Variants in PPFIA1 observed in about 807,000 individuals in gnomAD.
PPFIA1 encodes the protein PPFI scaffold protein A1, also known as liprin-alpha-1.
In PPFIA1, 25 loss-of-function variants were observed where a neutral mutation model predicts 149.9. The observed-to-expected ratio is 0.17, with a 90% CI of 0.12 to 0.23. The LOEUF is 0.23. Ranked by LOEUF, PPFIA1 falls within the 10% of genes least tolerant of loss-of-function variation. PPFIA1 has a pLI of 1.00. For synonymous variants in PPFIA1, 549 were observed against 552.8 expected, an observed-to-expected ratio of 0.99 and a Z score of 0.10; for missense variants, 1,362 against 1,506.5, an observed-to-expected ratio of 0.90 and a Z score of 1.59.
intron 24 of PPFIA1, 107 bp from the exon 25 acceptor site, chr11:70,376,425 C>A: frequency 2.7e-6 from 3 of 1,106,880 alleles, no homozygotes; most frequent in Non-Finnish European, 4.1e-6. Flanking sequence ...CCAGACCCAG[C>A]CAGCAGTGAG....
At chr11:70,296,171 A>G (rs1042497349) in intron 2 of PPFIA1, among the ~76,000 whole-genome samples, 3 of 149,990 alleles carry the variant, frequency 2.0e-5, no homozygotes, top group Admixed American at 1.3e-4. Flanking sequence ...GATGGCGGCC[A>G]GGCAGAGACG....
intron 21 of PPFIA1, chr11:70,367,604 G>C (rs1201503674): frequency 2.2e-6 from 1 of 455,192 alleles, no homozygotes; most frequent in African/African-American, 2.0e-5. Flanking sequence ...TTTCCAGAAG[G>C]CTGCTAAGGC....
intron 9 of PPFIA1, 119 bp downstream of exon 9, chr11:70,332,213 T>A: frequency 7.7e-7 from 1 of 1,301,350 alleles, no homozygotes; most frequent in South Asian, 1.8e-5. Context: ...AGAGCACGGA[T>A]TTGGTTTGAG....
rs1280030441 is a variant in PPFIA1, at chr11:70,272,219, C to T, written c.47C>T (p.Pro16Leu). 1 of 1,614,076 alleles carries T rather than the reference C, an allele frequency of 6.2e-7. No homozygotes were observed. The highest frequency in any genetic ancestry group is 1.1e-5 in the South Asian group (1 of 91,082). The change falls in exon 2 of 28, where the codon CCT becomes CTT. Residue 16 changes from proline (P) to leucine (L), a missense_variant. Physicochemically the swap from Pro to Leu is moderately conservative, Grantham distance 98. Transcript: ENST00000253925. ...ACCATCAGCGAAGCAGAAGGCCCCCCTGGAGGAGGTGGAGGCCATGGTTCC... is the reference window on the plus strand; with the variant it reads ...ACCATCAGCGAAGCAGAAGGCCCCCTTGGAGGAGGTGGAGGCCATGGTTCC... ...MPTISEAEGP[P>L]GGGGGHGSGS...
At chr11:70,283,868 A>G (rs2050927170) in intron 2 of PPFIA1, 2 of 464,010 alleles carry the variant, frequency 4.3e-6, no homozygotes, top group African/African-American at 4.0e-5. Flanking sequence ...GATGCTCCTA[A>G]ACATTCTGCA....
chr11:70,324,335 G>T lies in PPFIA1; in HGVS notation c.265-67G>T, dbSNP rs1407471679. 14 of 1,216,778 alleles carry T rather than the reference G, an allele frequency of 1.2e-5. 1 individual carries two copies. The highest frequency in any genetic ancestry group is 9.5e-5 in the East Asian group (4 of 42,028). 75.4% of individuals were successfully genotyped at this position (1,216,778 alleles called of 1,614,324 possible). A position where few individuals can be genotyped will look rare whatever the true frequency, so the allele number is the denominator to read the frequency against. On this transcript the variant is annotated intron_variant, in intron 2 of 27. Coordinates refer to ENST00000253925, the MANE Select transcript of PPFIA1 (RefSeq NM_003626.5). ...GTTGCCTTTGTGTGAAGACTGTGGA[G>T]CCTTGATGAAAGGCTTTCTTTAGGG...
At chr11:70,274,787 C>T (rs1471175058) in intron 2 of PPFIA1, among the ~76,000 whole-genome samples, 3 of 151,772 alleles carry the variant, frequency 2.0e-5, no homozygotes, top group East Asian at 1.9e-4. Flanking sequence ...GGCATGATCT[C>T]GGCTCACTGT....
At chr11:70,286,238 T>A (rs925053706) in intron 2 of PPFIA1, among the ~76,000 whole-genome samples, 1 of 152,140 alleles carries the variant, frequency 6.6e-6, no homozygotes, top group Non-Finnish European at 1.5e-5. Flanking sequence ...GTTTTCTACG[T>A]AGTCAGGTGG....
At chr11:70,378,462 C>T in intron 26 of PPFIA1, 1 of 1,166,858 alleles carries the variant, frequency 8.6e-7, no homozygotes, top group African/African-American at 1.6e-5. Context: ...CGTCTGTGTT[C>T]TCAGAGAGAG....
In PPFIA1 at chr11:70,325,584, A is replaced by G; in HGVS notation, c.606+10A>G. The G allele has an allele frequency of 1.3e-6, 2 of 1,533,834 alleles. No homozygotes were observed. Among genetic ancestry groups the G allele is most frequent in the East Asian group, 4.5e-5 (2 of 44,372 alleles). ...TGCCACACACAAAGAGGTAAGCTTGAGACTTCATCATGAGTTGAATTGGGG... is the reference window on the plus strand; with the variant it reads ...TGCCACACACAAAGAGGTAAGCTTGGGACTTCATCATGAGTTGAATTGGGG... On this transcript the variant is annotated intron_variant, in intron 5 of 27. Coordinates refer to ENST00000253925, the MANE Select transcript of PPFIA1 (RefSeq NM_003626.5).
intron 2 of PPFIA1, among the ~76,000 whole-genome samples, chr11:70,295,747 A>G (rs1315339093): frequency 3.0e-5 from 3 of 99,592 alleles, no homozygotes; most frequent in Non-Finnish European, 6.4e-5. Context: ...TGACCCCCCC[A>G]CCTCCCTCCC....
intron 2 of PPFIA1, among the ~76,000 whole-genome samples, chr11:70,305,237 A>G (rs904676150): frequency 1.3e-5 from 2 of 152,194 alleles, no homozygotes; most frequent in Non-Finnish European, 2.9e-5. Flanking sequence ...GGGAGAAAAC[A>G]TAGGTTCAGA....
At chr11:70,288,366 G>A (rs150810623) in intron 2 of PPFIA1, among the ~76,000 whole-genome samples, 23 of 152,188 alleles carry the variant, frequency 1.5e-4, no homozygotes, top group African/African-American at 5.1e-4. Context: ...CACCGCGCCC[G>A]GCCTCCCCTC....
At chr11:70,336,092 T>C (rs1049727665) in intron 11 of PPFIA1, among the ~76,000 whole-genome samples, 1 of 152,192 alleles carries the variant, frequency 6.6e-6, no homozygotes, top group African/African-American at 2.4e-5. Flanking sequence ...TCCAATAAAA[T>C]TCATTTGTAG....
At chr11:70,296,746 AGAGG>A (rs140547454) in intron 2 of PPFIA1, among the ~76,000 whole-genome samples, 19,305 of 76,608 alleles carry the variant, frequency 0.25, 2,981 homozygotes, top group African/African-American at 0.49. Flanking sequence ...GGAGAGGGAG[AGAGG>A]GAGGGAGGGA....
chr11:70,374,849 A>G lies in PPFIA1; in HGVS notation c.3140-69A>G, dbSNP rs1190984613. On this transcript the variant is annotated intron_variant, in intron 23 of 27. Coordinates refer to ENST00000253925, the MANE Select transcript of PPFIA1 (RefSeq NM_003626.5). ...ACCATGGTAGGAATCTTTCTCCTGC[A>G]TTACAGGGTACATGTGATAAAGATG... 27 of 1,402,226 alleles carry G rather than the reference A, an allele frequency of 1.9e-5. No individual in the cohort carries two copies. The South Asian group carries it at 2.0e-4, about 10-fold the overall frequency. 86.9% of individuals were successfully genotyped at this position (1,402,226 alleles called of 1,614,324 possible).
At chr11:70,345,401 TGAAGGAG>T (rs967851820) in intron 15 of PPFIA1, among the ~76,000 whole-genome samples, 1 of 150,964 alleles carries the variant, frequency 6.6e-6, no homozygotes, top group African/African-American at 2.4e-5. Context: ...AGCAGGGGCG[TGAAGGAG>T]GAAGGAGAAG....
At chr11:70,300,126 T>C (rs1489527561) in intron 2 of PPFIA1, among the ~76,000 whole-genome samples, 2 of 125,912 alleles carry the variant, frequency 1.6e-5, no homozygotes, top group African/African-American at 3.1e-5. Flanking sequence ...CCCACAGATC[T>C]CCCTCCATCA....
At chr11:70,356,489 G>A (rs2056369468) in intron 19 of PPFIA1, among the ~76,000 whole-genome samples, 1 of 152,202 alleles carries the variant, frequency 6.6e-6, no homozygotes, top group African/African-American at 2.4e-5. Flanking sequence ...AGGAGATAGG[G>A]TGGGTGAGAG....
Sources: gnomAD v4.1 joint callset for allele counts (sites outside exome capture counted in the v4.1 genomes callset) on GRCh38, gnomAD v4.1.1 for gene constraint, MANE v1.5 for transcripts, NCBI Gene and HGNC (gene_info 2026-07-23, HGNC 2026-07-21) for gene names.